TTLL3: variants seen among roughly 807,000 people sequenced by gnomAD.
The protein encoded by TTLL3 is tubulin tyrosine ligase like 3, also known as tubulin monoglycylase TTLL3.
Under a neutral mutation model 75.2 loss-of-function variants are expected in TTLL3, and 63 were observed. The observed-to-expected ratio is 0.84, with a 90% CI of 0.68 to 1.03. The LOEUF is 1.03. TTLL3 is among the 50% of genes least tolerant of loss of function. The pLI is 0.00. For missense variants in TTLL3, 997 were observed against 1,069.9 expected, an observed-to-expected ratio of 0.93 and a Z score of 0.95; for synonymous variants, 393 against 418.5, an observed-to-expected ratio of 0.94 and a Z score of 0.74.
chr3:9,819,828 G>T, intron 7 of TTLL3: 3 of 985,438 alleles, frequency 3.0e-6, no homozygotes, highest in South Asian at 9.4e-5. Flanking sequence ...AGGAAGGCTT[G>T]GTTGTGTGCC....
At chr3:9,810,240 A>C (rs574850863), upstream of TTLL3, 30 of 1,508,694 alleles carry the variant, frequency 2.0e-5, no homozygotes, top group South Asian at 2.5e-4. The surrounding 1 kb of genome is among the most constrained non-coding windows in gnomAD (Gnocchi z 4.4). Context: ...AGGGTCACGC[A>C]GGCGGCAGAT....
intron 4 of TTLL3, among the ~76,000 whole-genome samples, chr3:9,815,241 CA>C (rs55895905): frequency 0.29 from 40,190 of 140,482 alleles, 5,882 homozygotes; most frequent in East Asian, 0.56. Flanking sequence ...GACTCCATCT[CA>C]AAAAAAAAAA....
At chr3:9,811,386 C>T (rs1226509457) in intron 2 of TTLL3, among the ~76,000 whole-genome samples, 2 of 152,350 alleles carry the variant, frequency 1.3e-5, no homozygotes, top group African/African-American at 4.8e-5. Context: ...CTCAGTTCCT[C>T]ACGCCAGAAA....
intron 9 of TTLL3, among the ~76,000 whole-genome samples, chr3:9,826,682 G>C (rs771708191): frequency 4.3e-5 from 6 of 140,542 alleles, no homozygotes; most frequent in Non-Finnish European, 7.5e-5. Context: ...GCAGTGAGCT[G>C]AGCTCGTGCC....
Position 9,817,479 on chromosome 3 carries a change from A to G in TTLL3, c.445-166A>G, listed in dbSNP as rs539668504. ...GGAGGGACATCAGGCATTCTTGGCA[A>G]AGGACACCTCCCAGGCAAATATATG... On this transcript the variant is annotated intron_variant, in intron 5 of 13. Coordinates refer to ENST00000685419, the MANE Select transcript of TTLL3 (RefSeq NM_001387446.1). The G allele has an allele frequency of 1.1e-5, 11 of 985,204 alleles. No individual in the cohort carries two copies. In the African/African-American group the frequency reaches 1.6e-4, roughly 14 times the overall value. The allele number at this position is 985,204 out of a possible 1,614,324, so 61.0% of individuals were successfully genotyped here.
At chr3:9,832,810 A>G (rs2081686207) in intron 11 of TTLL3, among the ~76,000 whole-genome samples, 1 of 152,198 alleles carries the variant, frequency 6.6e-6, no homozygotes, top group African/African-American at 2.4e-5. Context: ...TGGCCTGTGC[A>G]GTGGAGCCAC....
chr3:9,818,589 C>T lies in TTLL3; in HGVS notation c.560-233C>T, dbSNP rs937079856. The T allele has an allele frequency of 1.1e-5, 13 of 1,207,092 alleles. 1 individual carries two copies. In the South Asian group the frequency reaches 1.2e-4, roughly 11 times the overall value. The allele number at this position is 1,207,092 out of a possible 1,614,324, so 74.8% of individuals were successfully genotyped here. A position where few individuals can be genotyped will look rare whatever the true frequency, so the allele number is the denominator to read the frequency against. On this transcript the variant is annotated intron_variant, in intron 6 of 13. Transcript: ENST00000685419. ...TTCACTGTGTTAGCCAGGATGGTCT[C>T]GATCTCCTGACCTCATGATCCATCC...
In TTLL3 at chr3:9,813,269, A is replaced by C. The variant is rs771724169; in HGVS notation, c.239A>C (p.Glu80Ala). The C allele has an allele frequency of 1.2e-6, 2 of 1,614,236 alleles. No homozygotes were observed. The highest frequency in any genetic ancestry group is 1.7e-6 in the Non-Finnish European group (2 of 1,180,044). Residue 80 changes from glutamate to alanine, a missense_variant, in exon 4 of 14, where the codon GAG becomes GCG. Physicochemically the swap from Glu to Ala is moderately radical, Grantham distance 107 (BLOSUM62 -1). Transcript: ENST00000685419. ...ACAGAGGATGAAGATGAGGACGAGG[A>C]GTTCCAGCCATCACAGCTGTTCGAC... is the stretch of plus-strand genomic sequence containing the variant. Reference protein sequence around the residue: ...TEDEDEDEDEEFQPSQLFDFD... With the variant: ...TEDEDEDEDEAFQPSQLFDFD...
intron 11 of TTLL3, 36 bp from the exon 12 acceptor site, chr3:9,833,068 G>A (rs1456300164): frequency 1.2e-6 from 2 of 1,612,000 alleles, no homozygotes; most frequent in Admixed American, 1.7e-5. Flanking sequence ...CAGTACCACT[G>A]ACTGAGTGGG....
rs776215123 is a variant in TTLL3, at chr3:9,817,770, C to G, written c.559+11C>G. The G allele has an allele frequency of 3.1e-6, 5 of 1,614,058 alleles. No homozygotes were observed. The highest frequency in any genetic ancestry group is 3.4e-6 in the Non-Finnish European group (4 of 1,179,976). ...AAAAAGCCTTCATAGGTAAGGAGAC[C>G]CCCAGCCCTATGCCTGAACCTCAGG... On this transcript the variant is annotated intron_variant, in intron 6 of 13. Transcript: ENST00000685419.
At chr3:9,833,390 C>A in intron 12 of TTLL3, 145 bp downstream of exon 12, 1 of 1,279,810 alleles carries the variant, frequency 7.8e-7, no homozygotes, top group Non-Finnish European at 1.1e-6. Context: ...AAAAGGGCCA[C>A]AGCCCTGGTC....
chr3:9,825,625 G>A lies in TTLL3; in HGVS notation c.855-175G>A, dbSNP rs146123786. On this transcript the variant is annotated intron_variant, in intron 8 of 13. Coordinates refer to ENST00000685419, the MANE Select transcript of TTLL3 (RefSeq NM_001387446.1). ...GTAGTCTGGGCAGGTTAGGATTTCC[G>A]GGGTGGCTTGAAGGTGGGGCCGGAG... 7.3e-5 allele frequency: 83 copies of A among 1,142,232 alleles called. No homozygotes were observed. The Middle Eastern group carries it at 1.5e-3, about 21-fold the overall frequency. The allele number at this position is 1,142,232 out of a possible 1,614,324, so 70.8% of individuals were successfully genotyped here.
chr3:9,827,116 G>A lies in TTLL3; in HGVS notation c.1123G>A (p.Gly375Ser). 1 of 1,614,198 alleles carries A rather than the reference G, an allele frequency of 6.2e-7. No individual in the cohort carries two copies. Among genetic ancestry groups the A allele is most frequent in the Non-Finnish European group, 8.5e-7 (1 of 1,180,036 alleles). Residue 375 changes from glycine (G) to serine (S), a missense_variant, in exon 10 of 14, where the codon GGC becomes AGC. Physicochemically the swap from Gly to Ser is moderately conservative, Grantham distance 56 (BLOSUM62 0). Transcript: ENST00000685419. Reference protein sequence around the residue: ...KYIERPLLIFGTKFDLRQWFL... With the variant: ...KYIERPLLIFSTKFDLRQWFL... ...TATTGAGCGGCCCCTCCTCATCTTT[G>A]GCACCAAGTTTGACCTCAGACAGTG...
chr3:9,827,274 T>G (rs1404130622), intron 10 of TTLL3, 34 bp downstream of exon 10: 6 of 1,605,854 alleles, frequency 3.7e-6, no homozygotes, highest in Non-Finnish European at 4.3e-6. Context: ...ACGAGCTCCC[T>G]GCCTAGTTGG....
chr3:9,822,798 G>A (rs900619808), intron 8 of TTLL3, among the ~76,000 whole-genome samples: 4 of 145,112 alleles, frequency 2.8e-5, no homozygotes, highest in Admixed American at 6.9e-5. Context: ...TTTTAGAGAC[G>A]TGGTTTCACC....
At chr3:9,830,759 C>G (rs1176267947) in intron 11 of TTLL3, among the ~76,000 whole-genome samples, 3 of 152,134 alleles carry the variant, frequency 2.0e-5, no homozygotes, top group African/African-American at 7.2e-5. Flanking sequence ...AAATGTCTAG[C>G]TTGGGGAGGA....
In TTLL3 at chr3:9,825,785, A is replaced by G. The variant is rs369364647; in HGVS notation, c.855-15A>G. 3.7e-6 allele frequency: 6 copies of G among 1,613,934 alleles called. No homozygotes were observed. Among genetic ancestry groups the G allele is most frequent in the African/African-American group, 2.7e-5 (2 of 74,982 alleles). On this transcript the variant is annotated splice_polypyrimidine_tract_variant and intron_variant, in intron 8 of 13. Transcript: ENST00000685419. ...CCAGGTCCAGCCCTGCCCAAGTTCT[A>G]TCATTTCCCCACAGCGAAGGGGCAG...
intron 4 of TTLL3, among the ~76,000 whole-genome samples, chr3:9,814,149 CAAATA>C (rs1366459410): frequency 6.7e-6 from 1 of 150,034 alleles, no homozygotes; most frequent in African/African-American, 2.5e-5. Context: ...AAAAAACAAA[CAAATA>C]AAAAAACAAA....
chr3:9,815,446 G>A (rs540300585), intron 4 of TTLL3, among the ~76,000 whole-genome samples: 89 of 152,356 alleles, frequency 5.8e-4, no homozygotes, highest in African/African-American at 2.0e-3. Context: ...GCAGGGCCCA[G>A]CATGGGCTGA....
Sources: allele counts gnomAD v4.1 joint callset (sites outside exome capture counted in the v4.1 genomes callset), GRCh38; gene constraint gnomAD v4.1.1; non-coding constraint Gnocchi (gnomAD v3.1); transcripts MANE v1.5; gene names NCBI Gene and HGNC (gene_info 2026-07-23, HGNC 2026-07-21).